The following PPP1R26 variants were observed in gnomAD, a reference collection of about 807,000 sequenced individuals.
PPP1R26 encodes protein phosphatase 1 regulatory subunit 26, also known as 1A6/DRIM (down-regulated in metastasis) interacting protein.
PPP1R26 carries 22 observed loss-of-function variants against 67.6 expected under a neutral mutation model. The observed-to-expected ratio is 0.33, with a 90% CI of 0.23 to 0.46. The LOEUF is 0.46. Among genes scored for constraint, PPP1R26 ranks in the 20% least tolerant of loss-of-function variants. PPP1R26 has a pLI of 1.00. For synonymous variants in PPP1R26, 729 were observed against 717.2 expected (o/e 1.02, Z -0.26); for missense variants, 1,602 against 1,651.4 (o/e 0.97, Z 0.52).
Position 135,487,534 on chromosome 9 carries a change from C to G in PPP1R26, c.3024C>G (p.Thr1008=). The part of the protein sequence containing the change: ...HMGCGSPSFL[T]PSPGAERDAG... Reference sequence around the variant, plus strand: ...GCTGCGGGAGCCCGAGCTTCCTGACCCCCAGCCCGGGAGCGGAGAGGGACG... The same window carrying G: ...GCTGCGGGAGCCCGAGCTTCCTGACGCCCAGCCCGGGAGCGGAGAGGGACG... Residue 1008 remains threonine, a synonymous_variant, in exon 4 of 4, where the codon ACC becomes ACG. Transcript: ENST00000356818. The G allele has an allele frequency of 1.9e-6, 3 of 1,592,884 alleles. No homozygotes were observed. In the South Asian group the frequency reaches 3.4e-5, roughly 18 times the overall value.
In PPP1R26 at chr9:135,486,527, C is replaced by T. The variant is rs374786291; in HGVS notation, c.2017C>T (p.Arg673Cys). 6.2e-6 allele frequency: 10 copies of T among 1,612,424 alleles called. No individual in the cohort carries two copies. The highest frequency in any genetic ancestry group is 1.9e-4 in the Middle Eastern group (1 of 5,214). Reference sequence around the variant, plus strand: ...CCAGGGTAAGACAGACGAGGCAAGGCGCCTAGACGAGAAAGAGAGCTCTGA... The same window carrying T: ...CCAGGGTAAGACAGACGAGGCAAGGTGCCTAGACGAGAAAGAGAGCTCTGA... ...QGQGKTDEARRLDEKESSEDK... is the reference protein window; with the variant it reads ...QGQGKTDEARCLDEKESSEDK... The change falls in exon 4 of 4, where the codon CGC (arginine) becomes TGC (cysteine). Residue 673 changes from arginine to cysteine, a missense_variant. By Grantham distance (180) the Arg-to-Cys change is radical. Coordinates refer to ENST00000356818, the MANE Select transcript of PPP1R26 (RefSeq NM_014811.5). This position sits in a 1 kb window ranked among gnomAD's most constrained non-coding sequence, Gnocchi z 6.2.
At chr9:135,481,237 T>TG (rs1491330557) in intron 1 of PPP1R26, among the ~76,000 whole-genome samples, 1 of 35,522 alleles carries the variant, frequency 2.8e-5, no homozygotes, top group African/African-American at 6.5e-5. Context: ...GCTTTTCTTG[T>TG]TTTTTTTTTT....
rs1269983177 is a variant in PPP1R26, at chr9:135,480,007, C to G, written c.-344C>G. ...CAGGCGGGGTCCGCGCGGCGGGCGGCGGGGGACGGGCGGAGGTGAGCGGGT... is the reference window on the plus strand; with the variant it reads ...CAGGCGGGGTCCGCGCGGCGGGCGGGGGGGGACGGGCGGAGGTGAGCGGGT... On this transcript the variant is annotated 5_prime_UTR_variant, in exon 1 of 4. Transcript: ENST00000356818. The G allele has an allele frequency of 7.5e-6, 1 of 134,020 alleles. No homozygotes were observed. The highest frequency in any genetic ancestry group is 1.6e-5 in the Non-Finnish European group (1 of 61,874). The allele number at this position is 134,020 out of a possible 1,614,324, so 8.3% of individuals were successfully genotyped here.
In PPP1R26 at chr9:135,488,715, G is replaced by A. The variant is rs1830858385; in HGVS notation, c.*575G>A. 1 of 167,198 alleles carries A rather than the reference G, an allele frequency of 6.0e-6. No homozygotes were observed. The highest frequency in any genetic ancestry group is 2.1e-4 in the South Asian group (1 of 4,832). The allele number at this position is 167,198 out of a possible 1,614,324, so 10.4% of individuals were successfully genotyped here. Reference sequence around the variant, plus strand: ...AATCACAGCCGTCCGCTGGAAAAACGTTTCGAAGCACAGTGGCCAGCGAGC... The same window carrying A: ...AATCACAGCCGTCCGCTGGAAAAACATTTCGAAGCACAGTGGCCAGCGAGC... On this transcript the variant is annotated 3_prime_UTR_variant, in exon 4 of 4. Coordinates refer to ENST00000356818, the MANE Select transcript of PPP1R26 (RefSeq NM_014811.5).
rs147777469 is a variant in PPP1R26, at chr9:135,486,504, A to G, written c.1994A>G (p.Gln665Arg). The G allele has an allele frequency of 2.4e-4, 390 of 1,612,620 alleles. 1 individual carries two copies. Among genetic ancestry groups the G allele is most frequent in the Admixed American group, 2.3e-4 (14 of 59,890 alleles). The change falls in exon 4 of 4, where the codon CAG becomes CGG. Residue 665 changes from glutamine to arginine, a missense_variant. Transcript: ENST00000356818. This position sits in a 1 kb window ranked among gnomAD's most constrained non-coding sequence, Gnocchi z 6.2. ...GGCGACACTCGCATGTCACAGGGCC[A>G]GGGTAAGACAGACGAGGCAAGGCGC... ...GPGDTRMSQG[Q>R]GKTDEARRLD...
chr9:135,487,550 G>A lies in PPP1R26; in HGVS notation c.3040G>A (p.Glu1014Lys). 1 of 1,573,568 alleles carries A rather than the reference G, an allele frequency of 6.4e-7. No individual in the cohort carries two copies. Among genetic ancestry groups the A allele is most frequent in the Non-Finnish European group, 8.6e-7 (1 of 1,161,448 alleles). ...PSFLTPSPGAERDAGAQADRT... is the reference protein window; with the variant it reads ...PSFLTPSPGAKRDAGAQADRT... Reference sequence around the variant, plus strand: ...CTTCCTGACCCCCAGCCCGGGAGCGGAGAGGGACGCTGGAGCCCAGGCCGA... The same window carrying A: ...CTTCCTGACCCCCAGCCCGGGAGCGAAGAGGGACGCTGGAGCCCAGGCCGA... The change falls in exon 4 of 4, where the codon GAG becomes AAG. Residue 1014 changes from glutamate (E) to lysine (K), a missense_variant. Glu to Lys is a moderately conservative substitution (Grantham distance 56). Around this residue, in one of 5 missense-constraint regions of PPP1R26, gnomAD observed 740 missense variants for 696.3 expected, o/e 1.06. Coordinates refer to ENST00000356818, the MANE Select transcript of PPP1R26 (RefSeq NM_014811.5).
chr9:135,485,505 A>C lies in PPP1R26; in HGVS notation c.995A>C (p.Gln332Pro). ...CCCTGCCGCCCTTCAGAAGCAGCAC[A>C]GAATAAAGGTGGGATCAAAAGGAGC... ...ATPCRPSEAA[Q>P]NKGGIKRSAS... The change falls in exon 4 of 4, where the codon CAG becomes CCG. Residue 332 changes from glutamine to proline, a missense_variant. Transcript: ENST00000356818. The surrounding 1 kb of genome is among the most constrained non-coding windows in gnomAD (Gnocchi z 7.2). 1 of 1,613,186 alleles carries C rather than the reference A, an allele frequency of 6.2e-7. No homozygotes were observed. Among genetic ancestry groups the C allele is most frequent in the Non-Finnish European group, 8.5e-7 (1 of 1,180,008 alleles).
Position 135,484,434 on chromosome 9 carries a change from T to A in PPP1R26, c.-62-15T>A. ...TTGTAGCTGCATCATGCCCATGTGC[T>A]TTCTTTCCGCCCAGGATGTGAAGCC... On this transcript the variant is annotated splice_polypyrimidine_tract_variant and intron_variant, in intron 3 of 3. Coordinates refer to ENST00000356818, the MANE Select transcript of PPP1R26 (RefSeq NM_014811.5). 8 of 1,361,604 alleles carry A rather than the reference T, an allele frequency of 5.9e-6. No individual in the cohort carries two copies. Among genetic ancestry groups the A allele is most frequent in the Non-Finnish European group, 7.0e-6 (7 of 994,688 alleles). 84.3% of individuals were successfully genotyped at this position (1,361,604 alleles called of 1,614,324 possible). A position where few individuals can be genotyped will look rare whatever the true frequency, so the allele number is the denominator to read the frequency against.
At position 135,486,603 on chromosome 9, in the gene PPP1R26, A is replaced by G. The variant is rs1363688491; in HGVS notation, c.2093A>G (p.Lys698Arg). Residue 698 changes from lysine (K) to arginine (R), a missense_variant, in exon 4 of 4, where the codon AAG becomes AGG. By Grantham distance (26) the Lys-to-Arg change is conservative (BLOSUM62 2). Transcript: ENST00000356818. This position sits in a 1 kb window ranked among gnomAD's most constrained non-coding sequence, Gnocchi z 6.2. ...DSDEDLDTAI[K>R]DLLRSKRKLK... ...GACGAGGACCTGGACACAGCCATCAAGGACTTGTTAAGGTCCAAGCGAAAG... is the reference window on the plus strand; with the variant it reads ...GACGAGGACCTGGACACAGCCATCAGGGACTTGTTAAGGTCCAAGCGAAAG... 6.2e-6 allele frequency: 10 copies of G among 1,612,340 alleles called. No individual in the cohort carries two copies. The highest frequency in any genetic ancestry group is 2.2e-5 in the East Asian group (1 of 44,872).
In PPP1R26 at chr9:135,488,657, G is replaced by A. The variant is rs999377471; in HGVS notation, c.*517G>A. ...ACAGAGGACACCGCCTCGGCCCCACGTCCTTAGAGGCCAGAGCACATCTGA... is the reference window on the plus strand; with the variant it reads ...ACAGAGGACACCGCCTCGGCCCCACATCCTTAGAGGCCAGAGCACATCTGA... On this transcript the variant is annotated 3_prime_UTR_variant, in exon 4 of 4. Coordinates refer to ENST00000356818, the MANE Select transcript of PPP1R26 (RefSeq NM_014811.5). 3.0e-5 allele frequency: 5 copies of A among 167,080 alleles called. No homozygotes were observed. The highest frequency in any genetic ancestry group is 3.9e-4 in the East Asian group (2 of 5,188). The allele number at this position is 167,080 out of a possible 1,614,324, so 10.3% of individuals were successfully genotyped here. A position where few individuals can be genotyped will look rare whatever the true frequency, so the allele number is the denominator to read the frequency against.
rs981110234 is a variant in PPP1R26, at chr9:135,487,800, G to C, written c.3290G>C (p.Gly1097Ala). 6.3e-7 allele frequency: 1 copy of C among 1,577,144 alleles called. No individual in the cohort carries two copies. The highest frequency in any genetic ancestry group is 1.9e-5 in the Admixed American group (1 of 52,890). Residue 1097 changes from glycine to alanine, a missense_variant, in exon 4 of 4, where the codon GGC becomes GCC. By Grantham distance (60) the Gly-to-Ala change is moderately conservative. Around this residue, in one of 5 missense-constraint regions of PPP1R26, gnomAD observed 740 missense variants for 696.3 expected, o/e 1.06. Coordinates refer to ENST00000356818, the MANE Select transcript of PPP1R26 (RefSeq NM_014811.5). The part of the protein sequence containing the change: ...FHFGKGVSWG[G>A]RQAGLFSPHL... ...TTTGGAAAGGGTGTCTCCTGGGGGG[G>C]CAGGCAGGCTGGCCTCTTCAGCCCC...
At chr9:135,482,586 C>G (rs1830556949) in intron 1 of PPP1R26, 97 bp from the exon 2 acceptor site, 1 of 396,502 alleles carries the variant, frequency 2.5e-6, no homozygotes, top group Non-Finnish European at 4.4e-6. Flanking sequence ...AATTTTGAGC[C>G]CTTAAGTTAA....
Position 135,487,859 on chromosome 9 carries a change from T to C in PPP1R26, c.3349T>C (p.Ser1117Pro). 1 of 1,590,810 alleles carries C rather than the reference T, an allele frequency of 6.3e-7. No individual in the cohort carries two copies. Among genetic ancestry groups the C allele is most frequent in the Admixed American group, 1.8e-5 (1 of 56,002 alleles). Residue 1117 changes from serine to proline, a missense_variant, in exon 4 of 4, where the codon TCG becomes CCG. By Grantham distance (74) the Ser-to-Pro change is moderately conservative. Around this residue, in one of 5 missense-constraint regions of PPP1R26, gnomAD observed 740 missense variants for 696.3 expected, o/e 1.06. Coordinates refer to ENST00000356818, the MANE Select transcript of PPP1R26 (RefSeq NM_014811.5). Reference sequence around the variant, plus strand: ...GCTGCCTCTGCAGGGCCCCTCCTTCTCGGCCTTCAGGGAGGCCCAGGCCGG... The same window carrying C: ...GCTGCCTCTGCAGGGCCCCTCCTTCCCGGCCTTCAGGGAGGCCCAGGCCGG... Reference protein sequence around the residue: ...LGLPLQGPSFSAFREAQAGPS... With the variant: ...LGLPLQGPSFPAFREAQAGPS...
Position 135,486,695 on chromosome 9 carries a change from A to C in PPP1R26, c.2185A>C (p.Thr729Pro), listed in dbSNP as rs1256757112. The C allele has an allele frequency of 1.9e-6, 3 of 1,598,184 alleles. No individual in the cohort carries two copies. ...GAAGGTCAGGTTCAGCACAGCCCAG[A>C]CGCACTTCTTGGAGCAGCTGGGCGG... ...RKKVRFSTAQ[T>P]HFLEQLGGLR... Residue 729 changes from threonine to proline, a missense_variant, in exon 4 of 4, where the codon ACG becomes CCG. By Grantham distance (38) the Thr-to-Pro change is conservative. Around this residue, in one of 5 missense-constraint regions of PPP1R26, gnomAD observed 740 missense variants for 696.3 expected, o/e 1.06. Coordinates refer to ENST00000356818, the MANE Select transcript of PPP1R26 (RefSeq NM_014811.5). The surrounding 1 kb of genome is among the most constrained non-coding windows in gnomAD (Gnocchi z 6.2).
Position 135,488,731 on chromosome 9 carries a change from G to A in PPP1R26, c.*591G>A, listed in dbSNP as rs1370365679. The A allele has an allele frequency of 6.0e-6, 1 of 167,064 alleles. No homozygotes were observed. Among genetic ancestry groups the A allele is most frequent in the Non-Finnish European group, 1.5e-5 (1 of 68,130 alleles). The allele number at this position is 167,064 out of a possible 1,614,324, so 10.3% of individuals were successfully genotyped here. A position where few individuals can be genotyped will look rare whatever the true frequency, so the allele number is the denominator to read the frequency against. On this transcript the variant is annotated 3_prime_UTR_variant, in exon 4 of 4. Coordinates refer to ENST00000356818, the MANE Select transcript of PPP1R26 (RefSeq NM_014811.5). ...TGGAAAAACGTTTCGAAGCACAGTG[G>A]CCAGCGAGCGAGCACGTGGCTACTC...
In PPP1R26 at chr9:135,485,555, C is replaced by G. The variant is rs761769504; in HGVS notation, c.1045C>G (p.Arg349Gly). Reference sequence around the variant, plus strand: ...CGCCAGCGCTGCAAGGAGGGGAAAGCGAGTCATGAGTGCGGCACAGGCGTC... The same window carrying G: ...CGCCAGCGCTGCAAGGAGGGGAAAGGGAGTCATGAGTGCGGCACAGGCGTC... The part of the protein sequence containing the change: ...RSASAARRGK[R>G]VMSAAQASEA... The change falls in exon 4 of 4, where the codon CGA (arginine) becomes GGA (glycine). Residue 349 changes from arginine (R) to glycine (G), a missense_variant. By Grantham distance (125) the Arg-to-Gly change is moderately radical. Transcript: ENST00000356818. The surrounding 1 kb of genome is among the most constrained non-coding windows in gnomAD (Gnocchi z 7.2). 3.1e-6 allele frequency: 5 copies of G among 1,613,244 alleles called. No individual in the cohort carries two copies. The South Asian group carries it at 3.3e-5, about 11-fold the overall frequency.
In PPP1R26 at chr9:135,487,353, C is replaced by A; in HGVS notation, c.2843C>A (p.Ala948Asp). The A allele has an allele frequency of 6.4e-7, 1 of 1,556,108 alleles. No individual in the cohort carries two copies. The highest frequency in any genetic ancestry group is 8.7e-7 in the Non-Finnish European group (1 of 1,152,746). ...PPRSTSGGVSAKGLSVSRRNV... is the reference protein window; with the variant it reads ...PPRSTSGGVSDKGLSVSRRNV... ...AGGAGCACCAGCGGCGGTGTCTCCG[C>A]CAAGGGGCTCTCAGTGAGCAGGAGA... Residue 948 changes from alanine (A) to aspartate (D), a missense_variant, in exon 4 of 4, where the codon GCC (alanine) becomes GAC (aspartate). Coordinates refer to ENST00000356818, the MANE Select transcript of PPP1R26 (RefSeq NM_014811.5).
intron 2 of PPP1R26, 40 bp downstream of exon 2, chr9:135,482,855 G>A: frequency 2.5e-6 from 1 of 398,184 alleles, no homozygotes; most frequent in Non-Finnish European, 4.4e-6. Context: ...TTCCCTTGTA[G>A]GGCACAAATT....
Position 135,483,958 on chromosome 9 carries a change from C to T in PPP1R26, c.-187C>T, listed in dbSNP as rs1296423666. 1.8e-5 allele frequency: 7 copies of T among 398,892 alleles called. No individual in the cohort carries two copies. The highest frequency in any genetic ancestry group is 2.7e-5 in the Non-Finnish European group (6 of 226,380). The allele number at this position is 398,892 out of a possible 1,614,324, so 24.7% of individuals were successfully genotyped here. On this transcript the variant is annotated 5_prime_UTR_variant, in exon 3 of 4. Coordinates refer to ENST00000356818, the MANE Select transcript of PPP1R26 (RefSeq NM_014811.5). ...ACAACTTTCCGTTCCAGGAGCTTGT[C>T]GGTTGGGTCAAGAATGAACCTACGC...
Sources: allele counts gnomAD v4.1 joint callset (sites outside exome capture counted in the v4.1 genomes callset), GRCh38; gene constraint gnomAD v4.1.1; regional missense constraint gnomAD v4.1.1; non-coding constraint Gnocchi (gnomAD v3.1); transcripts MANE v1.5; gene names NCBI Gene and HGNC (gene_info 2026-07-23, HGNC 2026-07-21).